The following RGPD2 variants were observed in gnomAD, a reference collection of about 807,000 sequenced individuals.
The protein encoded by RGPD2 is RANBP2-like and GRIP domain-containing protein 2.
A neutral mutation model predicts 36.0 loss-of-function variants in RGPD2; 2 were observed. The observed-to-expected ratio is 0.06, with a 90% CI of 0.02 to 0.17. The LOEUF (loss-of-function observed/expected upper bound fraction) is 0.17, where lower values mean the gene tolerates loss of function less well. RGPD2 is among the 10% of genes least tolerant of loss of function. The probability of loss-of-function intolerance (pLI) is 1.00; values close to 1 mark genes in which losing one functional copy is unlikely to be tolerated. For synonymous variants in RGPD2, 19 were observed against 163.8 expected, an observed-to-expected ratio of 0.12 and a Z score of 6.75; for missense variants, 40 against 464.3, an observed-to-expected ratio of 0.09 and a Z score of 8.40.
the RGPD2 span, among the ~76,000 whole-genome samples, chr2:87,896,911 C>T: frequency 1.4e-5 from 2 of 147,266 alleles, no homozygotes; most frequent in Admixed American, 6.8e-5. Context: ...TTTATATTTC[C>T]GTTAAAATAA....
intron 22 of RGPD2, among the ~76,000 whole-genome samples, chr2:87,763,102 G>A (rs1196493439): frequency 1.9e-5 from 1 of 53,528 alleles, no homozygotes; most frequent in African/African-American, 8.2e-5. Flanking sequence ...AGCAGTATAC[G>A]ATTGAAATGT....
intron 4 of RGPD2, among the ~76,000 whole-genome samples, chr2:87,813,805 T>C (rs1196719013): frequency 7.2e-6 from 1 of 139,496 alleles, no homozygotes; most frequent in Non-Finnish European, 1.5e-5. Context: ...AGAAACTGTT[T>C]ACCTTAGCAA....
chr2:87,885,916 C>T, the RGPD2 span, among the ~76,000 whole-genome samples: 2 of 152,148 alleles, frequency 1.3e-5, no homozygotes, highest in South Asian at 2.1e-4. Flanking sequence ...TGCTACTCAT[C>T]ACAGATGATT....
chr2:87,791,829 C>A lies in RGPD2; in HGVS notation c.2463+161G>T, dbSNP rs1436282252. Among the ~76,000 whole-genome samples, 4 of 36,576 alleles carry A rather than the reference C, an allele frequency of 1.1e-4. 2 individuals carry two copies. Among genetic ancestry groups the A allele is most frequent in the Non-Finnish European group, 1.6e-4 (4 of 25,640 alleles). 24.0% of individuals were successfully genotyped at this position (36,576 alleles called of 152,430 possible). ...CTGTACTGCAGCCTGCACAACAAGA[C>A]CCTGTCTTAAAAAAAAAAAAAAAAA... On this transcript the variant is annotated intron_variant, in intron 17 of 22. Coordinates refer to ENST00000398146, the MANE Select transcript of RGPD2 (RefSeq NM_001078170.3).
chr2:87,972,151 A>G, the RGPD2 span, among the ~76,000 whole-genome samples: 1 of 152,228 alleles, frequency 6.6e-6, no homozygotes, highest in Non-Finnish European at 1.5e-5. Context: ...TTGGTCAGCA[A>G]TGAAAGCAGT....
chr2:87,825,391 C>CGCT (rs1210311374), intron 1 of RGPD2, among the ~76,000 whole-genome samples: 1 of 136,438 alleles, frequency 7.3e-6, no homozygotes, highest in Non-Finnish European at 1.6e-5. Context: ...CCGCCGCCGC[C>CGCT]GCCGCCCGGC....
the RGPD2 span, among the ~76,000 whole-genome samples, chr2:87,962,559 A>C: frequency 6.6e-6 from 1 of 151,972 alleles, no homozygotes; most frequent in Admixed American, 6.6e-5. Context: ...TCTAGTTTGG[A>C]GTGGAAAATC....
intron 1 of RGPD2, chr2:87,825,105 G>T: frequency 5.1e-6 from 2 of 389,358 alleles, no homozygotes; most frequent in South Asian, 2.6e-4. Flanking sequence ...GAACCAAAGT[G>T]AACGAAAATC....
upstream of RGPD2, among the ~76,000 whole-genome samples, chr2:87,830,653 G>T (rs1022711065): frequency 1.3e-5 from 2 of 152,166 alleles, no homozygotes; most frequent in Non-Finnish European, 2.9e-5. Context: ...AAAGAAAAAG[G>T]TTTAAAGGAC....
the RGPD2 span, among the ~76,000 whole-genome samples, chr2:87,983,315 G>A: frequency 2.2e-4 from 33 of 151,810 alleles, no homozygotes; most frequent in African/African-American, 4.3e-4. Flanking sequence ...GCAAAACCCC[G>A]TCTTAAAAAA....
the RGPD2 span, among the ~76,000 whole-genome samples, chr2:87,939,990 G>A: frequency 3.9e-5 from 6 of 152,030 alleles, no homozygotes; most frequent in Admixed American, 6.6e-5. Flanking sequence ...ACAAAGAAAC[G>A]AAACTAGCAA....
chr2:87,825,953 C>T (rs1574034324), upstream of RGPD2: 6 of 537,782 alleles, frequency 1.1e-5, no homozygotes, highest in East Asian at 2.4e-4. Context: ...GGGTGTCTTG[C>T]CCGCCGGGCG....
chr2:87,836,244 G>GAGAA, the RGPD2 span, among the ~76,000 whole-genome samples: 1 of 139,902 alleles, frequency 7.1e-6, no homozygotes, highest in Admixed American at 7.3e-5. Flanking sequence ...CAGACAAATA[G>GAGAA]AGAAAGAAAG....
chr2:87,763,038 T>A (rs1028644102), intron 22 of RGPD2, among the ~76,000 whole-genome samples: 1 of 32,954 alleles, frequency 3.0e-5, no homozygotes, highest in African/African-American at 1.4e-4. Context: ...TGGCACTGTA[T>A]CCCAGGGAGG....
the RGPD2 span, among the ~76,000 whole-genome samples, chr2:87,895,252 A>AT: frequency 2.0e-5 from 3 of 152,272 alleles, no homozygotes; most frequent in African/African-American, 7.2e-5. Context: ...CAAGATGAAT[A>AT]CTTGAGGCTA....
the RGPD2 span, among the ~76,000 whole-genome samples, chr2:87,952,291 C>T: frequency 1.3e-5 from 2 of 152,076 alleles, no homozygotes; most frequent in Non-Finnish European, 2.9e-5. Context: ...AAACAAAAAT[C>T]TAGAAGCATT....
upstream of RGPD2, among the ~76,000 whole-genome samples, chr2:87,829,453 G>C (rs1169888130): frequency 7.3e-5 from 11 of 151,330 alleles, no homozygotes; most frequent in African/African-American, 2.7e-4. Flanking sequence ...GTATTAGTTT[G>C]TTCTCACACC....
the RGPD2 span, among the ~76,000 whole-genome samples, chr2:87,961,532 C>A: frequency 6.6e-6 from 1 of 151,784 alleles, no homozygotes; most frequent in African/African-American, 2.4e-5. Context: ...GAAAGCCCAT[C>A]TCTACTAAAA....
the RGPD2 span, among the ~76,000 whole-genome samples, chr2:87,879,494 T>C: frequency 7.7e-6 from 1 of 130,486 alleles, no homozygotes; most frequent in Non-Finnish European, 1.6e-5. Context: ...CTCTGGTAAA[T>C]GTCCTCCTAC....
Sources: gnomAD v4.1 joint callset for allele counts (sites outside exome capture counted in the v4.1 genomes callset) on GRCh38, gnomAD v4.1.1 for gene constraint, MANE v1.5 for transcripts, NCBI Gene and HGNC (gene_info 2026-07-23, HGNC 2026-07-21) for gene names.